IQCK: variants seen among roughly 807,000 people sequenced by gnomAD.
IQCK encodes the protein IQ domain-containing protein K.
Under a neutral mutation model 28.1 loss-of-function variants are expected in IQCK, and 29 were observed. The observed-to-expected ratio is 1.03, with a 90% CI of 0.77 to 1.41. The LOEUF is 1.41. Among genes scored for constraint, IQCK ranks in the 40% most tolerant of loss-of-function variants. The probability of loss-of-function intolerance (pLI) is 0.00; values close to 1 mark genes in which losing one functional copy is unlikely to be tolerated. For synonymous variants in IQCK, 113 were observed against 115.1 expected (o/e 0.98, Z 0.12); for missense variants, 359 against 314.7 (o/e 1.14, Z -1.07).
intron 1 of IQCK, 97 bp downstream of exon 1, chr16:19,718,584 C>T: frequency 8.8e-7 from 1 of 1,136,470 alleles, no homozygotes; most frequent in Non-Finnish European, 1.2e-6. Flanking sequence ...GGCTGACGGG[C>T]GGGGCCGCCG....
At chr16:19,751,234 C>T (rs111509383) in intron 4 of IQCK, among the ~76,000 whole-genome samples, 7,990 of 152,102 alleles carry the variant, frequency 0.053, 669 homozygotes, top group African/African-American at 0.18. Flanking sequence ...AGTTCACACC[C>T]GTTATCCCAG....
At chr16:19,858,218 C>G (rs558148192) in exon 10 of IQCK, 140 of 344,616 alleles carry the variant, frequency 4.1e-4, no homozygotes, top group African/African-American at 2.8e-3. Context: ...CCCTTCTCCT[C>G]TCACTCCCGC....
intron 4 of IQCK, among the ~76,000 whole-genome samples, chr16:19,751,402 C>T (rs563551817): frequency 1.3e-5 from 2 of 152,072 alleles, no homozygotes; most frequent in Admixed American, 1.3e-4. Flanking sequence ...TGCTTGAGCC[C>T]AAGAGTTTGA....
intron 7 of IQCK, among the ~76,000 whole-genome samples, chr16:19,799,375 A>AT (rs2055729180): frequency 1.1e-5 from 1 of 91,092 alleles, no homozygotes; most frequent in Admixed American, 1.0e-4. Context: ...GGTTCAAGCG[A>AT]TTCTCCTGCC....
At chr16:19,753,412 C>G (rs2055013035) in intron 4 of IQCK, among the ~76,000 whole-genome samples, 1 of 151,998 alleles carries the variant, frequency 6.6e-6, no homozygotes, top group Non-Finnish European at 1.5e-5. Context: ...GGTGACAGAG[C>G]AAGACCTTGT....
intron 6 of IQCK, chr16:19,765,879 T>C (rs2055227594): frequency 6.6e-6 from 1 of 152,210 alleles, no homozygotes; most frequent in Non-Finnish European, 1.5e-5. Context: ...AAAAAAATTT[T>C]CCATTTGTAA....
At chr16:19,726,730 G>A (rs1244938208) in intron 1 of IQCK, among the ~76,000 whole-genome samples, 1 of 152,138 alleles carries the variant, frequency 6.6e-6, no homozygotes, top group Non-Finnish European at 1.5e-5. Context: ...CGATATGGTT[G>A]GTTCTGTTCA....
At chr16:19,762,377 A>G (rs1567547082) in intron 4 of IQCK, among the ~76,000 whole-genome samples, 1 of 152,214 alleles carries the variant, frequency 6.6e-6, no homozygotes, top group Non-Finnish European at 1.5e-5. Context: ...GTAAAGCAAT[A>G]TATACAGTTA....
At chr16:19,745,711 T>C (rs998954554) in intron 4 of IQCK, among the ~76,000 whole-genome samples, 4 of 152,242 alleles carry the variant, frequency 2.6e-5, no homozygotes, top group African/African-American at 9.6e-5. Flanking sequence ...TTATTTTTCA[T>C]GACTCTGGGC....
chr16:19,858,320 AAAGGG>A, exon 10 of IQCK: 1 of 444,624 alleles, frequency 2.2e-6, no homozygotes, highest in Non-Finnish European at 4.0e-6. Flanking sequence ...ATCAGATTTA[AAAGGG>A]GGGAAAAAGG....
chr16:19,815,277 A>C (rs1242651329), intron 7 of IQCK, among the ~76,000 whole-genome samples: 1 of 152,168 alleles, frequency 6.6e-6, no homozygotes, highest in Non-Finnish European at 1.5e-5. Flanking sequence ...CTCTAAGAGG[A>C]CTACTGTCCC....
At chr16:19,753,509 T>C (rs2055014160) in intron 4 of IQCK, among the ~76,000 whole-genome samples, 1 of 152,156 alleles carries the variant, frequency 6.6e-6, no homozygotes, top group African/African-American at 2.4e-5. Flanking sequence ...TAGTGGCCTG[T>C]TAGGCATCCA....
chr16:19,745,062 T>C (rs1378179155), intron 4 of IQCK, among the ~76,000 whole-genome samples: 2 of 152,234 alleles, frequency 1.3e-5, no homozygotes, highest in Non-Finnish European at 2.9e-5. Flanking sequence ...CTCTCCTATA[T>C]TTAATATTCC....
chr16:19,770,071 C>T (rs2055298464), intron 6 of IQCK, among the ~76,000 whole-genome samples: 1 of 152,068 alleles, frequency 6.6e-6, no homozygotes, highest in Non-Finnish European at 1.5e-5. Context: ...TCTAGGATAT[C>T]CATGCCAGAA....
chr16:19,783,161 G>A (rs1006727874), intron 6 of IQCK, among the ~76,000 whole-genome samples: 2 of 152,018 alleles, frequency 1.3e-5, no homozygotes, highest in East Asian at 3.9e-4. Flanking sequence ...ACTACGCCCA[G>A]CTAATTTTTG....
chr16:19,742,923 C>T (rs536769692), intron 4 of IQCK, among the ~76,000 whole-genome samples: 1 of 152,156 alleles, frequency 6.6e-6, no homozygotes, highest in Non-Finnish European at 1.5e-5. Flanking sequence ...AATCCCAGCA[C>T]TTTGGGAGGC....
chr16:19,780,780 C>T (rs746923462), intron 6 of IQCK, among the ~76,000 whole-genome samples: 1 of 152,206 alleles, frequency 6.6e-6, no homozygotes, highest in Non-Finnish European at 1.5e-5. Flanking sequence ...ACACTTGTCA[C>T]ACCTTTCAAA....
chr16:19,834,624 C>T (rs1483114604), intron 9 of IQCK, among the ~76,000 whole-genome samples: 2 of 152,074 alleles, frequency 1.3e-5, no homozygotes, highest in Admixed American at 6.6e-5. Flanking sequence ...GCTGAGAGCC[C>T]CATTCAAAGG....
At position 19,851,278 on chromosome 16, in the gene IQCK, G is replaced by C. The variant is rs374981826; in HGVS notation, c.803-5209G>C. Among the ~76,000 whole-genome samples the C allele has an allele frequency of 5.9e-5, 9 of 152,292 alleles. No homozygotes were observed. The East Asian group carries it at 7.7e-4, about 13-fold the overall frequency. On this transcript the variant is annotated intron_variant, in intron 9 of 9. Coordinates refer to the IQCK transcript ENST00000320394. Reference sequence around the variant, plus strand: ...TCAAAACACCCACCCACAGCACTGAGGGGGAGGGGATACTGATTCCCAGGC... The same window carrying C: ...TCAAAACACCCACCCACAGCACTGACGGGGAGGGGATACTGATTCCCAGGC...
Sources: allele counts gnomAD v4.1 joint callset (sites outside exome capture counted in the v4.1 genomes callset), GRCh38; gene constraint gnomAD v4.1.1; transcripts MANE v1.5; gene names NCBI Gene and HGNC (gene_info 2026-07-23, HGNC 2026-07-21).